The following NRCAM variants were observed in gnomAD, a reference collection of about 807,000 sequenced individuals.
The protein encoded by NRCAM is NgCAM-related cell adhesion molecule.
Under a neutral mutation model 156.5 loss-of-function variants are expected in NRCAM, and 83 were observed. That is an observed-to-expected ratio of 0.53 (90% CI 0.44 to 0.64). The LOEUF (loss-of-function observed/expected upper bound fraction) is 0.64. NRCAM is among the 30% of genes least tolerant of loss of function. NRCAM has a pLI of 0.00. For synonymous variants in NRCAM, 538 were observed against 563.9 expected (o/e 0.95, Z 0.65); for missense variants, 1,417 against 1,597.3 (o/e 0.89, Z 1.92).
intron 3 of NRCAM, among the ~76,000 whole-genome samples, chr7:108,259,437 G>C (rs1273754601): frequency 6.6e-6 from 1 of 152,182 alleles, no homozygotes; most frequent in Non-Finnish European, 1.5e-5. Context: ...CAGTGTGGTG[G>C]TTCCTCAAAG....
chr7:108,284,668 GT>G (rs2098010706), intron 3 of NRCAM, among the ~76,000 whole-genome samples: 1 of 152,136 alleles, frequency 6.6e-6, no homozygotes, highest in Admixed American at 6.5e-5. Flanking sequence ...TGAGACAGAT[GT>G]TCTTCCTCTG....
chr7:108,246,712 C>T (rs749045136), intron 3 of NRCAM, among the ~76,000 whole-genome samples: 13 of 152,354 alleles, frequency 8.5e-5, no homozygotes, highest in Non-Finnish European at 1.6e-4. Context: ...TGTTCCAATT[C>T]TCTGTGAAGT....
intron 2 of NRCAM, among the ~76,000 whole-genome samples, chr7:108,360,354 C>T (rs548176753): frequency 1.1e-4 from 17 of 152,256 alleles, no homozygotes; most frequent in Admixed American, 5.2e-4. Flanking sequence ...TGAAAATTAA[C>T]AGCCCTGAAA....
intron 3 of NRCAM, among the ~76,000 whole-genome samples, chr7:108,300,998 A>G (rs544037291): frequency 1.0e-3 from 153 of 152,316 alleles, no homozygotes; most frequent in Non-Finnish European, 1.7e-3. Context: ...ATAAAACAGC[A>G]AACTACACAA....
intron 2 of NRCAM, among the ~76,000 whole-genome samples, chr7:108,363,773 C>A (rs998731232): frequency 1.3e-5 from 2 of 152,156 alleles, no homozygotes; most frequent in African/African-American, 4.8e-5. Flanking sequence ...TAGCCCTAGT[C>A]TTATCATGAG....
intron 2 of NRCAM, among the ~76,000 whole-genome samples, chr7:108,395,122 G>A (rs2099773192): frequency 6.6e-6 from 1 of 152,172 alleles, no homozygotes; most frequent in Non-Finnish European, 1.5e-5. Flanking sequence ...CTTATATTAT[G>A]AGAAAATGTG....
chr7:108,307,822 C>T (rs964025531), intron 3 of NRCAM, among the ~76,000 whole-genome samples: 2 of 152,150 alleles, frequency 1.3e-5, no homozygotes, highest in Non-Finnish European at 2.9e-5. Flanking sequence ...CTAGATAACC[C>T]TCCTGTCAGG....
chr7:108,209,415 A>G lies in NRCAM; in HGVS notation c.1075+6T>C. On this transcript the variant is annotated splice_donor_region_variant and intron_variant, in intron 12 of 32. Transcript: ENST00000379028. ...AGGCAAGAAGAATGGATTTTAAACA[A>G]TATACCTTTAACTCTAACAGAAATG... 6.4e-7 allele frequency: 1 copy of G among 1,563,430 alleles called. No homozygotes were observed. Among genetic ancestry groups the G allele is most frequent in the Non-Finnish European group, 8.6e-7 (1 of 1,156,562 alleles).
chr7:108,438,525 TA>T (rs1333409157), intron 1 of NRCAM, among the ~76,000 whole-genome samples: 1 of 152,122 alleles, frequency 6.6e-6, no homozygotes, highest in African/African-American at 2.4e-5. Flanking sequence ...TGACTTCTAT[TA>T]AAAAATCTAC....
intron 1 of NRCAM, among the ~76,000 whole-genome samples, chr7:108,455,855 A>G (rs967503296): frequency 2.0e-5 from 3 of 152,024 alleles, no homozygotes; most frequent in African/African-American, 7.2e-5. Context: ...CCGGGCCCGC[A>G]GGCTCTCCAT....
At chr7:108,270,361 C>T (rs1385651191) in intron 3 of NRCAM, among the ~76,000 whole-genome samples, 1 of 152,130 alleles carries the variant, frequency 6.6e-6, no homozygotes, top group African/African-American at 2.4e-5. Context: ...TCAAGGTTCC[C>T]TTCTTGTGGA....
intron 1 of NRCAM, among the ~76,000 whole-genome samples, chr7:108,402,886 G>A (rs2099797036): frequency 6.6e-6 from 1 of 152,198 alleles, no homozygotes; most frequent in Non-Finnish European, 1.5e-5. Context: ...CTCTTTCTGG[G>A]ATTTAGTTGA....
chr7:108,351,354 A>T (rs1388214475), intron 2 of NRCAM, among the ~76,000 whole-genome samples: 1 of 152,202 alleles, frequency 6.6e-6, no homozygotes, highest in Non-Finnish European at 1.5e-5. Flanking sequence ...TAGCAACACA[A>T]AATGGTCTAA....
chr7:108,448,962 T>G (rs1028477347), intron 1 of NRCAM, among the ~76,000 whole-genome samples: 3 of 152,144 alleles, frequency 2.0e-5, no homozygotes, highest in Non-Finnish European at 4.4e-5. Context: ...TTTATTCAAC[T>G]AGATAATAGA....
chr7:108,436,831 T>C (rs1353443903), intron 1 of NRCAM, among the ~76,000 whole-genome samples: 2 of 152,198 alleles, frequency 1.3e-5, no homozygotes, highest in African/African-American at 2.4e-5. Context: ...TGTAAATTAA[T>C]ACATCTGATA....
intron 1 of NRCAM, among the ~76,000 whole-genome samples, chr7:108,415,802 A>G (rs904371471): frequency 2.0e-5 from 3 of 152,210 alleles, no homozygotes; most frequent in Admixed American, 1.3e-4. Context: ...CAGTCACTAG[A>G]ACACAGGAGA....
At chr7:108,421,819 CT>C (rs1045831832) in intron 1 of NRCAM, among the ~76,000 whole-genome samples, 9 of 152,168 alleles carry the variant, frequency 5.9e-5, no homozygotes, top group Non-Finnish European at 1.2e-4. Context: ...TTTGAGAACT[CT>C]GTGGTTTTAG....
intron 2 of NRCAM, among the ~76,000 whole-genome samples, chr7:108,357,571 T>A (rs538540799): frequency 2.3e-4 from 35 of 152,234 alleles, no homozygotes; most frequent in Admixed American, 2.2e-3. Context: ...CCTCAGGTGA[T>A]CCACCCACCT....
chr7:108,345,271 T>C (rs1346696052), intron 2 of NRCAM, among the ~76,000 whole-genome samples: 1 of 152,180 alleles, frequency 6.6e-6, no homozygotes, highest in East Asian at 1.9e-4. Context: ...GAAAGGTTCC[T>C]CAGTTATTCA....
Sources: allele counts gnomAD v4.1 joint callset (sites outside exome capture counted in the v4.1 genomes callset), GRCh38; gene constraint gnomAD v4.1.1; transcripts MANE v1.5; gene names NCBI Gene and HGNC (gene_info 2026-07-23, HGNC 2026-07-21).